Variants in MAD1L1 observed in about 807,000 individuals in gnomAD.
MAD1L1 encodes the protein mitotic arrest deficient 1 like 1, also known as mitotic spindle assembly checkpoint protein MAD1.
Under a neutral mutation model 96.9 loss-of-function variants are expected in MAD1L1, and 95 were observed. The ratio of observed to expected loss-of-function variants is 0.98; its 90% CI spans 0.83 to 1.16. The LOEUF (loss-of-function observed/expected upper bound fraction) is 1.16. Ranked by LOEUF, MAD1L1 falls within the 50% of genes most tolerant of loss-of-function variation. The pLI is 0.00. For missense variants in MAD1L1, 1,007 were observed against 954.4 expected, an observed-to-expected ratio of 1.06 and a Z score of -0.73; for synonymous variants, 473 against 396.6, an observed-to-expected ratio of 1.19 and a Z score of -2.29.
rs535107226 is a variant in MAD1L1, at chr7:1,853,661, T to C, written c.1999-37433A>G. Among the ~76,000 whole-genome samples, 23 of 152,282 alleles carry C rather than the reference T, an allele frequency of 1.5e-4. No individual in the cohort carries two copies. The South Asian group carries it at 4.3e-3, about 29-fold the overall frequency. On this transcript the variant is annotated intron_variant, in intron 18 of 18. Transcript: ENST00000265854. ...CCCTGCACACCCACACGCCTCCCTC[T>C]GCACGGGGGCCCCCTGCCTCTCCCA...
At chr7:1,911,859 C>T (rs768242055) in intron 17 of MAD1L1, among the ~76,000 whole-genome samples, 4 of 152,270 alleles carry the variant, frequency 2.6e-5, no homozygotes, top group Non-Finnish European at 4.4e-5. Context: ...GCGGCACACA[C>T]ACGCCTTTCC....
At chr7:1,996,445 G>T (rs950921327) in intron 14 of MAD1L1, among the ~76,000 whole-genome samples, 5 of 152,330 alleles carry the variant, frequency 3.3e-5, no homozygotes, top group African/African-American at 1.2e-4. Flanking sequence ...AGAGCCACAC[G>T]GACCACAGGC....
rs1176995461 is a variant in MAD1L1 at position 2,206,940 on chromosome 7, G to A, written c.986+6272C>T. Among the ~76,000 whole-genome samples, 13 of 152,244 alleles carry A rather than the reference G, an allele frequency of 8.5e-5. No individual in the cohort carries two copies. In the East Asian group the frequency reaches 1.5e-3, roughly 18 times the overall value. ...CTACAAAAATACAAAAATTAGCCAAGCATGGTGGTCCATGCCTGTAGTCCC... is the reference window on the plus strand; with the variant it reads ...CTACAAAAATACAAAAATTAGCCAAACATGGTGGTCCATGCCTGTAGTCCC... On this transcript the variant is annotated intron_variant, in intron 10 of 18. Coordinates refer to ENST00000265854, the MANE Select transcript of MAD1L1 (RefSeq NM_001013836.2).
intron 15 of MAD1L1, among the ~76,000 whole-genome samples, chr7:1,962,542 G>C (rs1779996320): frequency 6.6e-6 from 1 of 152,106 alleles, no homozygotes; most frequent in South Asian, 2.1e-4. Flanking sequence ...AAAATATTTG[G>C]AAAGCAAATA....
At chr7:2,014,822 G>A (rs1782464350) in intron 12 of MAD1L1, among the ~76,000 whole-genome samples, 180 bp from the exon 13 acceptor site, 1 of 152,218 alleles carries the variant, frequency 6.6e-6, no homozygotes, top group Admixed American at 6.5e-5. Context: ...CCAGAGTTCA[G>A]CATCCCCAGA....
intron 11 of MAD1L1, among the ~76,000 whole-genome samples, chr7:2,070,522 A>G (rs999453003): frequency 6.6e-6 from 1 of 152,208 alleles, no homozygotes; most frequent in Non-Finnish European, 1.5e-5. Context: ...CCAGGAAAGA[A>G]GAGAGGCCAC....
chr7:1,953,865 G>A (rs1779610308), intron 16 of MAD1L1, among the ~76,000 whole-genome samples: 1 of 152,246 alleles, frequency 6.6e-6, no homozygotes. Context: ...TGCCGGCCCA[G>A]GCTGCACACT....
chr7:2,103,711 A>G lies in MAD1L1; in HGVS notation c.1074-34373T>C, dbSNP rs1392410627. ...AGGAGCCAGGGAGGCGGCTACTCAG[A>G]GGGCAGGTGCTGTCCTCCTCCCTGC... On this transcript the variant is annotated intron_variant, in intron 11 of 18. Coordinates refer to ENST00000265854, the MANE Select transcript of MAD1L1 (RefSeq NM_001013836.2). The surrounding 1 kb of genome is among the most constrained non-coding windows in gnomAD (Gnocchi z 4.3). Among the ~76,000 whole-genome samples the G allele has an allele frequency of 6.6e-6, 1 of 152,188 alleles. No individual in the cohort carries two copies. The highest frequency in any genetic ancestry group is 1.5e-5 in the Non-Finnish European group (1 of 68,022).
At position 2,094,229 on chromosome 7, in the gene MAD1L1, G is replaced by C. The variant is rs922539178; in HGVS notation, c.1074-24891C>G. Among the ~76,000 whole-genome samples, 3 of 152,200 alleles carry C rather than the reference G, an allele frequency of 2.0e-5. No individual in the cohort carries two copies. In the East Asian group the frequency reaches 5.8e-4, roughly 29 times the overall value. ...GGACCCACCCATGGTCAGTGTGGAGGAGTGTGTCCCTAAAGGGCTCCCAGT... is the reference window on the plus strand; with the variant it reads ...GGACCCACCCATGGTCAGTGTGGAGCAGTGTGTCCCTAAAGGGCTCCCAGT... On this transcript the variant is annotated intron_variant, in intron 11 of 18. Coordinates refer to ENST00000265854, the MANE Select transcript of MAD1L1 (RefSeq NM_001013836.2).
chr7:2,208,870 G>A (rs542806969), intron 10 of MAD1L1, among the ~76,000 whole-genome samples: 16 of 152,214 alleles, frequency 1.1e-4, no homozygotes, highest in African/African-American at 3.9e-4. Context: ...CCCCGAGACA[G>A]ACCATGCTCC....
chr7:2,118,489 G>A lies in MAD1L1; in HGVS notation c.1073+30663C>T, dbSNP rs117480587. Among the ~76,000 whole-genome samples the A allele has an allele frequency of 5.9e-3, 902 of 152,344 alleles. 4 individuals are homozygous for A. The highest frequency in any genetic ancestry group is 9.6e-3 in the Non-Finnish European group (654 of 68,034). On this transcript the variant is annotated intron_variant, in intron 11 of 18. Coordinates refer to ENST00000265854, the MANE Select transcript of MAD1L1 (RefSeq NM_001013836.2). ...GGGCGCGGTGAGCACACAGGGGTCT[G>A]CCCAGCATCCGTAGTGCGTGGCATG...
At chr7:1,845,605 A>T (rs1194103171) in intron 18 of MAD1L1, 1 of 135,568 alleles carries the variant, frequency 7.4e-6, no homozygotes, top group Non-Finnish European at 1.6e-5. Context: ...CCACGCAGAC[A>T]TGCGTCCGGC....
chr7:1,981,095 T>C lies in MAD1L1; in HGVS notation c.1417-554A>G, dbSNP rs537638516. ...GATTCTTCTGCCTCAGCCTCCTGAGTAGCTGGGACTACAGGCGCGTGCTGC... is the reference window on the plus strand; with the variant it reads ...GATTCTTCTGCCTCAGCCTCCTGAGCAGCTGGGACTACAGGCGCGTGCTGC... On this transcript the variant is annotated intron_variant, in intron 14 of 18. Coordinates refer to ENST00000265854, the MANE Select transcript of MAD1L1 (RefSeq NM_001013836.2). Among the ~76,000 whole-genome samples the C allele has an allele frequency of 1.1e-4, 16 of 152,232 alleles. No homozygotes were observed. In the South Asian group the frequency reaches 3.1e-3, roughly 30 times the overall value.
chr7:1,972,083 T>C (rs1780429361), intron 15 of MAD1L1, among the ~76,000 whole-genome samples: 5 of 152,206 alleles, frequency 3.3e-5, no homozygotes. Context: ...ACTGCTCGCC[T>C]GCCGCCAGCT....
chr7:1,904,507 T>C (rs28704945), intron 17 of MAD1L1, among the ~76,000 whole-genome samples: 11,334 of 59,862 alleles, frequency 0.19, 271 homozygotes, highest in Middle Eastern at 0.31. Context: ...CTATGGAAGA[T>C]GCTCTTGCGG....
intron 17 of MAD1L1, among the ~76,000 whole-genome samples, chr7:1,913,443 A>AGGGAGCGAAGGGAGT (rs57726885): frequency 0.98 from 149,512 of 152,068 alleles, 73,545 homozygotes; most frequent in Middle Eastern, 1. Flanking sequence ...GGCCTGGAGA[A>AGGGAGCGAAGGGAGT]GGGAACCGTC....
At chr7:1,861,093 G>A (rs56974881) in intron 18 of MAD1L1, among the ~76,000 whole-genome samples, 3,470 of 152,300 alleles carry the variant, frequency 0.023, 114 homozygotes, top group African/African-American at 0.079. Context: ...GCCCAGAGGC[G>A]GCCGCTCACC....
At chr7:1,864,228 G>A (rs1363869913) in intron 18 of MAD1L1, among the ~76,000 whole-genome samples, 1 of 152,202 alleles carries the variant, frequency 6.6e-6, no homozygotes, top group East Asian at 1.9e-4. Flanking sequence ...CTGGCCACTT[G>A]TGTTGCTAGC....
chr7:1,882,896 C>A (rs1358615657), intron 18 of MAD1L1, among the ~76,000 whole-genome samples: 1 of 152,184 alleles, frequency 6.6e-6, no homozygotes, highest in Non-Finnish European at 1.5e-5. Context: ...TTGAGAAACA[C>A]CAAACCCTGC....
Sources: gnomAD v4.1 joint callset for allele counts (sites outside exome capture counted in the v4.1 genomes callset) on GRCh38, gnomAD v4.1.1 for gene constraint, Gnocchi (gnomAD v3.1) non-coding constraint, MANE v1.5 for transcripts, NCBI Gene and HGNC (gene_info 2026-07-23, HGNC 2026-07-21) for gene names.